The following PCDHA5 variants were observed in gnomAD, a reference collection of about 807,000 sequenced individuals.
PCDHA5 encodes protocadherin alpha-5.
Under a neutral mutation model 61.6 loss-of-function variants are expected in PCDHA5, and 43 were observed. The observed-to-expected ratio is 0.70, with a 90% CI of 0.55 to 0.90. PCDHA5 has a LOEUF of 0.90. PCDHA5 is among the 40% of genes least tolerant of loss of function. The pLI is 0.00. For missense variants in PCDHA5, 1,298 were observed against 1,222.7 expected, an observed-to-expected ratio of 1.06 and a Z score of -0.92; for synonymous variants, 627 against 543.9, an observed-to-expected ratio of 1.15 and a Z score of -2.13.
At position 140,852,924 on chromosome 5, in the gene PCDHA5, G is replaced by C. The variant is rs1007993116; in HGVS notation, c.2352+28797G>C. On this transcript the variant is annotated intron_variant, in intron 1 of 3. Coordinates refer to ENST00000529859, the MANE Select transcript of PCDHA5 (RefSeq NM_018908.3). ...GTCAGAGTCTCGCTCTGTTGCCCAG[G>C]CTGGAGTGCAGTGGTGCCATCTTGG... The C allele has an allele frequency of 2.7e-5, 19 of 707,974 alleles. 2 individuals are homozygous for C. Among genetic ancestry groups the C allele is most frequent in the Admixed American group, 2.6e-4 (4 of 15,396 alleles). The allele number at this position is 707,974 out of a possible 1,614,324, so 43.9% of individuals were successfully genotyped here.
chr5:140,823,191 C>T lies in PCDHA5; in HGVS notation c.1416C>T (p.His472=), dbSNP rs2150123278. 1.1e-5 allele frequency: 18 copies of T among 1,613,916 alleles called. No individual in the cohort carries two copies. In the South Asian group the frequency reaches 1.5e-4, roughly 14 times the overall value. ...AGGAGAACAACCCGCCAGGCTGCCA[C>T]ATCTTCACGGTGTCTGCACGGGACG... is the stretch of plus-strand genomic sequence containing the variant. ...FVKENNPPGC[H]IFTVSARDAD... Residue 472 remains histidine (H), a synonymous_variant, in exon 1 of 4, where the codon CAC becomes CAT. Coordinates refer to ENST00000529859, the MANE Select transcript of PCDHA5 (RefSeq NM_018908.3).
chr5:140,936,448 T>A (rs1477787930), intron 1 of PCDHA5, among the ~76,000 whole-genome samples: 1 of 152,210 alleles, frequency 6.6e-6, no homozygotes, highest in Non-Finnish European at 1.5e-5. Context: ...AATAACCACA[T>A]CTGTTTAGTG....
intron 1 of PCDHA5, among the ~76,000 whole-genome samples, chr5:140,916,214 C>A (rs1294292456): frequency 6.6e-6 from 1 of 152,266 alleles, no homozygotes; most frequent in African/African-American, 2.4e-5. Flanking sequence ...TGGGGAAGAT[C>A]CAAATATGCT....
chr5:140,959,073 G>A (rs775479268), intron 1 of PCDHA5, among the ~76,000 whole-genome samples: 2 of 152,094 alleles, frequency 1.3e-5, no homozygotes, highest in Non-Finnish European at 2.9e-5. Flanking sequence ...ATAGAATTCA[G>A]TATTATCCTT....
chr5:140,976,952 C>T lies in PCDHA5; in HGVS notation c.2353-1997C>T, dbSNP rs183824. 1.8e-3 allele frequency among the ~76,000 whole-genome samples: 271 copies of T among 152,298 alleles called. 1 individual carries two copies. Among genetic ancestry groups the T allele is most frequent in the African/African-American group, 6.2e-3 (258 of 41,574 alleles). The stretch of plus-strand genomic sequence containing the variant: ...GTAGCTACTTAAAACATATTATATG[C>T]TTTCTTCCTTTCCTTTTCCCTGCCT... On this transcript the variant is annotated intron_variant, in intron 1 of 3. Coordinates refer to ENST00000529859, the MANE Select transcript of PCDHA5 (RefSeq NM_018908.3).
rs2150110704 is a variant in PCDHA5 at position 140,821,793 on chromosome 5, A to G, written c.18A>G (p.Arg6=). The G allele has an allele frequency of 9.3e-6, 15 of 1,612,486 alleles. No homozygotes were observed. The East Asian group carries it at 3.3e-4, about 36-fold the overall frequency. The part of the protein sequence containing the change: MVYSR[R]GSLGSRLLLL... ...AGATTGAGATGGTATATTCCCGGAG[A>G]GGAAGTCTGGGATCCCGGCTCCTGC... The change falls in exon 1 of 4, where the codon AGA becomes AGG. Residue 6 remains arginine (R), a synonymous_variant. Coordinates refer to ENST00000529859, the MANE Select transcript of PCDHA5 (RefSeq NM_018908.3).
intron 3 of PCDHA5, among the ~76,000 whole-genome samples, chr5:141,003,504 G>A (rs1336599901): frequency 9.2e-5 from 14 of 152,020 alleles, no homozygotes; most frequent in African/African-American, 3.4e-4. Context: ...GTAGAGATGG[G>A]GTTTCACCAT....
chr5:140,949,457 T>C (rs1369576515), intron 1 of PCDHA5, among the ~76,000 whole-genome samples: 1 of 151,872 alleles, frequency 6.6e-6, no homozygotes, highest in Non-Finnish European at 1.5e-5. Flanking sequence ...TCATGTAATT[T>C]GAAGCCCTGT....
In PCDHA5 at chr5:140,822,812, C is replaced by T. The variant is rs2150119563; in HGVS notation, c.1037C>T (p.Thr346Ile). 1.3e-5 allele frequency: 21 copies of T among 1,613,956 alleles called. No homozygotes were observed. The East Asian group carries it at 2.5e-4, about 19-fold the overall frequency. Residue 346 changes from threonine to isoleucine, a missense_variant, in exon 1 of 4, where the codon ACC becomes ATC. Physicochemically the swap from Thr to Ile is moderately conservative, Grantham distance 89. Coordinates refer to ENST00000529859, the MANE Select transcript of PCDHA5 (RefSeq NM_018908.3). The part of the protein sequence containing the change: ...VVKLLDVNDN[T>I]PEMAITTLFL... ...AAACTCCTGGATGTGAATGATAATACCCCAGAGATGGCCATAACCACCCTT... is the reference window on the plus strand; with the variant it reads ...AAACTCCTGGATGTGAATGATAATATCCCAGAGATGGCCATAACCACCCTT...
intron 1 of PCDHA5, among the ~76,000 whole-genome samples, chr5:140,881,102 T>C (rs1470850677): frequency 1.3e-5 from 2 of 152,230 alleles, no homozygotes; most frequent in African/African-American, 4.8e-5. Flanking sequence ...ATTACACCAT[T>C]TGGCCTGGGA....
chr5:140,825,955 C>T (rs1768768479), intron 1 of PCDHA5: 2 of 152,330 alleles, frequency 1.3e-5, no homozygotes, highest in African/African-American at 4.8e-5. Context: ...AACCATTTGT[C>T]TACTCTTTTG....
intron 1 of PCDHA5, chr5:140,967,438 C>T: frequency 6.2e-7 from 1 of 1,613,548 alleles, no homozygotes; most frequent in South Asian, 1.1e-5. Flanking sequence ...CCTTGCACCA[C>T]CTGGTTCTCA....
At chr5:141,004,705 C>T (rs535016776) in intron 3 of PCDHA5, among the ~76,000 whole-genome samples, 5 of 152,154 alleles carry the variant, frequency 3.3e-5, no homozygotes, top group Admixed American at 6.5e-5. Context: ...TTTTAGGTGC[C>T]GAATCAGAGG....
chr5:140,993,012 C>G (rs1307637137), intron 3 of PCDHA5, among the ~76,000 whole-genome samples: 2 of 152,198 alleles, frequency 1.3e-5, no homozygotes, highest in Admixed American at 1.3e-4. Context: ...CCCCAGAGTC[C>G]AGCATCCCCT....
At chr5:140,882,460 C>T in intron 1 of PCDHA5, 4 of 1,613,998 alleles carry the variant, frequency 2.5e-6, no homozygotes, top group Non-Finnish European at 3.4e-6. Context: ...CGCGCCTGTT[C>T]CGGGTGGCGT....
intron 1 of PCDHA5, chr5:140,848,244 GA>G (rs1299433066): frequency 2.9e-5 from 13 of 449,890 alleles, no homozygotes; most frequent in Non-Finnish European, 5.1e-5. Context: ...AAGTTTTGCA[GA>G]ATAACTGTGA....
intron 1 of PCDHA5, chr5:140,870,089 T>A (rs782364525): frequency 6.2e-7 from 1 of 1,613,914 alleles, no homozygotes; most frequent in Admixed American, 1.7e-5. Flanking sequence ...ACTCCCCCAA[T>A]GGCAGGTCAC....
intron 3 of PCDHA5, among the ~76,000 whole-genome samples, chr5:141,004,848 CAG>C (rs1554259777): frequency 6.6e-6 from 1 of 152,190 alleles, no homozygotes; most frequent in Non-Finnish European, 1.5e-5. Context: ...TCATTAGTCT[CAG>C]AGAAAAAATT....
chr5:140,881,724 A>C (rs1165848100), intron 1 of PCDHA5, among the ~76,000 whole-genome samples: 1 of 152,194 alleles, frequency 6.6e-6, no homozygotes, highest in Admixed American at 6.5e-5. Flanking sequence ...GAGGTCTTGA[A>C]AAATATTACA....
Sources: gnomAD v4.1 joint callset for allele counts (sites outside exome capture counted in the v4.1 genomes callset) on GRCh38, gnomAD v4.1.1 for gene constraint, MANE v1.5 for transcripts, NCBI Gene and HGNC (gene_info 2026-07-23, HGNC 2026-07-21) for gene names.